The following CSMD1 variants were observed in gnomAD, a reference collection of about 807,000 sequenced individuals.
CSMD1 encodes the protein CUB and sushi domain-containing protein 1.
Under a neutral mutation model 417.5 loss-of-function variants are expected in CSMD1, and 213 were observed. That is an observed-to-expected ratio of 0.51 (90% CI 0.46 to 0.57). The LOEUF is 0.57. Ranked by LOEUF, CSMD1 falls within the 20% of genes least tolerant of loss-of-function variation. The pLI, the probability that CSMD1 is intolerant of heterozygous loss-of-function variation, is 0.00. For missense variants in CSMD1, 6,923 were observed against 4,529.7 expected, an observed-to-expected ratio of 1.53 and a Z score of -15.17; for synonymous variants, 2,862 against 1,736.8, an observed-to-expected ratio of 1.65 and a Z score of -16.11.
At chr8:3,364,316 A>T (rs1257597694) in intron 20 of CSMD1, among the ~76,000 whole-genome samples, 2 of 152,180 alleles carry the variant, frequency 1.3e-5, no homozygotes, top group East Asian at 3.9e-4. Flanking sequence ...TTTTGTTTTT[A>T]AAAAGACTTT....
At chr8:3,873,233 A>G (rs1335769997) in intron 5 of CSMD1, among the ~76,000 whole-genome samples, 2 of 152,218 alleles carry the variant, frequency 1.3e-5, no homozygotes, top group Admixed American at 1.3e-4. Flanking sequence ...CAATCATTCT[A>G]TCATAAAGAC....
At chr8:4,187,284 T>C (rs1798738865) in intron 3 of CSMD1, among the ~76,000 whole-genome samples, 2 of 152,198 alleles carry the variant, frequency 1.3e-5, no homozygotes, top group African/African-American at 4.8e-5. Context: ...GGAATACTGA[T>C]GCTCTTTCAG....
intron 8 of CSMD1, among the ~76,000 whole-genome samples, chr8:3,586,491 C>T (rs547053229): frequency 1.3e-5 from 2 of 151,922 alleles, no homozygotes; most frequent in East Asian, 3.9e-4. Flanking sequence ...CAGAACTAAA[C>T]AAACACATGA....
intron 18 of CSMD1, among the ~76,000 whole-genome samples, chr8:3,384,201 T>C (rs1278991780): frequency 1.3e-5 from 2 of 152,132 alleles, no homozygotes; most frequent in South Asian, 4.1e-4. Flanking sequence ...TATGTAGACA[T>C]CTTTAAAAAA....
At chr8:4,161,666 AT>A (rs1417129881) in intron 3 of CSMD1, among the ~76,000 whole-genome samples, 9 of 152,238 alleles carry the variant, frequency 5.9e-5, no homozygotes, top group African/African-American at 2.2e-4. Context: ...AACAACAGCC[AT>A]AAAAATTATT....
chr8:3,099,217 C>G (rs1053967638), intron 46 of CSMD1, among the ~76,000 whole-genome samples: 25 of 152,172 alleles, frequency 1.6e-4, no homozygotes, highest in South Asian at 6.2e-4. Context: ...CCAGACCACA[C>G]AGAGGGAGGT....
intron 5 of CSMD1, among the ~76,000 whole-genome samples, chr8:3,962,226 G>C (rs1476760196): frequency 6.6e-6 from 1 of 152,142 alleles, no homozygotes; most frequent in Non-Finnish European, 1.5e-5. Context: ...CACCTGTCAA[G>C]ATTTTCTTCT....
At position 3,387,675 on chromosome 8, in the gene CSMD1, C is replaced by G. The variant is rs368128336; in HGVS notation, c.2601G>C (p.Thr867=). The G allele has an allele frequency of 3.0e-4, 472 of 1,594,226 alleles. No homozygotes were observed. The highest frequency in any genetic ancestry group is 2.7e-4 in the Non-Finnish European group (316 of 1,170,182). The change falls in exon 18 of 70, where the codon ACG becomes ACC. Residue 867 remains threonine, a synonymous_variant. Coordinates refer to ENST00000635120, the MANE Select transcript of CSMD1 (RefSeq NM_033225.6). ...GGTCCAGGCAGGAATCCGACTCAAG[C>G]GTCACACCTGGATGCACAGAACGAA... ...IGFLIHYESV[T]LESDSCLDPG...
chr8:3,937,174 C>T (rs1426579782), intron 5 of CSMD1, among the ~76,000 whole-genome samples: 2 of 152,126 alleles, frequency 1.3e-5, no homozygotes, highest in Non-Finnish European at 2.9e-5. Context: ...AAATCTACTC[C>T]TGGTGAAGAT....
At position 4,958,275 on chromosome 8, in the gene CSMD1, G is replaced by A. The variant is rs1809253946; in HGVS notation, c.85+36057C>T. On this transcript the variant is annotated intron_variant, in intron 1 of 69. Transcript: ENST00000635120. ...TTAGAAAAACAGGTTCAATGAAAGTGCACATATTTGACACATCAATTTTTT... is the reference window on the plus strand; with the variant it reads ...TTAGAAAAACAGGTTCAATGAAAGTACACATATTTGACACATCAATTTTTT... Among the ~76,000 whole-genome samples the A allele has an allele frequency of 1.3e-5, 2 of 152,096 alleles. 1 individual carries two copies. The highest frequency in any genetic ancestry group is 4.1e-4 in the South Asian group (2 of 4,830).
At chr8:4,014,792 G>A (rs576371247) in intron 4 of CSMD1, among the ~76,000 whole-genome samples, 14 of 152,266 alleles carry the variant, frequency 9.2e-5, no homozygotes, top group African/African-American at 2.9e-4. Flanking sequence ...TCTGGCACTA[G>A]ACACATTCAT....
At chr8:3,991,358 T>C (rs1387529335) in intron 5 of CSMD1, among the ~76,000 whole-genome samples, 1 of 152,216 alleles carries the variant, frequency 6.6e-6, no homozygotes, top group Non-Finnish European at 1.5e-5. Flanking sequence ...TTTCTCCACC[T>C]ACCTAAGACT....
chr8:4,138,369 T>G (rs1394959202), intron 3 of CSMD1, among the ~76,000 whole-genome samples: 1 of 152,120 alleles, frequency 6.6e-6, no homozygotes, highest in Non-Finnish European at 1.5e-5. Context: ...GTCAGTGTTC[T>G]GATACCTGCT....
intron 5 of CSMD1, among the ~76,000 whole-genome samples, chr8:3,945,687 A>G (rs1811178134): frequency 6.6e-6 from 1 of 152,154 alleles, no homozygotes; most frequent in Non-Finnish European, 1.5e-5. Flanking sequence ...GACAGTCCAG[A>G]TAGCTCATCG....
intron 18 of CSMD1, among the ~76,000 whole-genome samples, chr8:3,383,681 G>A (rs1452918442): frequency 6.7e-6 from 1 of 149,662 alleles, no homozygotes; most frequent in Non-Finnish European, 1.5e-5. Flanking sequence ...CGAAGGAACT[G>A]TATCTAAATA....
At chr8:3,970,809 G>A (rs1181816969) in intron 5 of CSMD1, among the ~76,000 whole-genome samples, 2 of 152,166 alleles carry the variant, frequency 1.3e-5, no homozygotes, top group African/African-American at 4.8e-5. Context: ...CTGGAGTCCA[G>A]GGGCACCATC....
chr8:4,210,668 G>T (rs189988388), intron 3 of CSMD1, among the ~76,000 whole-genome samples: 1 of 152,012 alleles, frequency 6.6e-6, no homozygotes, highest in African/African-American at 2.4e-5. Context: ...ACACTTATCT[G>T]AAGAAAGCCA....
intron 7 of CSMD1, among the ~76,000 whole-genome samples, chr8:3,629,399 T>C (rs976050814): frequency 1.3e-5 from 2 of 152,194 alleles, no homozygotes; most frequent in African/African-American, 4.8e-5. Context: ...TAGTTATTGT[T>C]GGAAATTTTA....
intron 30 of CSMD1, among the ~76,000 whole-genome samples, chr8:3,210,413 T>C (rs1001413171): frequency 1.5e-4 from 22 of 150,972 alleles, no homozygotes; most frequent in African/African-American, 2.7e-4. Context: ...TGGTTTTATA[T>C]ATATGACCTA....
Sources: gnomAD v4.1 joint callset for allele counts (sites outside exome capture counted in the v4.1 genomes callset) on GRCh38, gnomAD v4.1.1 for gene constraint, MANE v1.5 for transcripts, NCBI Gene and HGNC (gene_info 2026-07-23, HGNC 2026-07-21) for gene names.